Variants in AHI1 observed in about 807,000 individuals in gnomAD.
AHI1 encodes the protein Abelson helper integration site 1, also known as jouberin.
AHI1 carries 123 observed loss-of-function variants against 149.3 expected under a neutral mutation model. The ratio of observed to expected loss-of-function variants is 0.82; its 90% CI spans 0.71 to 0.96. AHI1 has a LOEUF of 0.96. AHI1 is among the 40% of genes least tolerant of loss of function. AHI1 has a pLI of 0.00. For synonymous variants in AHI1, 475 were observed against 459.8 expected (o/e 1.03, Z -0.42); for missense variants, 1,439 against 1,422.7 (o/e 1.01, Z -0.18).
At chr6:135,437,282 G>A (rs1785554818) in intron 15 of AHI1, among the ~76,000 whole-genome samples, 1 of 152,202 alleles carries the variant, frequency 6.6e-6, no homozygotes, top group Non-Finnish European at 1.5e-5. Context: ...CCTCAGCAGA[G>A]ATGACAGCTT....
chr6:135,486,217 A>G (rs759595054), intron 5 of AHI1, among the ~76,000 whole-genome samples: 3 of 152,220 alleles, frequency 2.0e-5, no homozygotes, highest in Admixed American at 6.5e-5. Context: ...TAAAGGAAGA[A>G]CCTGTAGGCT....
intron 5 of AHI1, among the ~76,000 whole-genome samples, chr6:135,479,422 C>A (rs1409307925): frequency 1.3e-5 from 2 of 152,192 alleles, no homozygotes; most frequent in African/African-American, 4.8e-5. Context: ...GACATGGAGT[C>A]AAAGGAGATT....
intron 27 of AHI1, among the ~76,000 whole-genome samples, 184 bp downstream of exon 27, chr6:135,300,316 C>A (rs1277105564): frequency 7.2e-6 from 1 of 138,970 alleles, no homozygotes; most frequent in Non-Finnish European, 1.5e-5. Context: ...CACAGCAAGA[C>A]TCTGTCTCCA....
chr6:135,375,179 C>T (rs1178524726), intron 23 of AHI1, among the ~76,000 whole-genome samples: 1 of 151,706 alleles, frequency 6.6e-6, no homozygotes, highest in Non-Finnish European at 1.5e-5. Context: ...GTGAGCTCTC[C>T]CCAAGACAAT....
At chr6:135,405,720 C>T (rs138457470) in intron 21 of AHI1, among the ~76,000 whole-genome samples, 21 of 151,604 alleles carry the variant, frequency 1.4e-4, no homozygotes, top group Non-Finnish European at 2.1e-4. Flanking sequence ...ATCAGCTAGG[C>T]GTTGTGGCGC....
intron 26 of AHI1, among the ~76,000 whole-genome samples, chr6:135,314,390 T>C (rs935327061): frequency 2.0e-5 from 3 of 152,210 alleles, no homozygotes; most frequent in Non-Finnish European, 4.4e-5. Context: ...TCATGAACTT[T>C]CCAGCTTCCA....
Position 135,455,453 on chromosome 6 carries a change from T to C in AHI1, c.1344+281A>G, listed in dbSNP as rs182705676. Among the ~76,000 whole-genome samples, 4 of 152,352 alleles carry C rather than the reference T, an allele frequency of 2.6e-5. No individual in the cohort carries two copies. In the East Asian group the frequency reaches 7.7e-4, roughly 29 times the overall value. ...GAGAAATGCATTCATATCGAGTGGA[T>C]TCATCACTTCACTACAGTTAACAGT... On this transcript the variant is annotated intron_variant, in intron 10 of 28. Coordinates refer to ENST00000265602, the MANE Select transcript of AHI1 (RefSeq NM_001134831.2).
At chr6:135,422,087 T>G (rs1783251823) in intron 20 of AHI1, among the ~76,000 whole-genome samples, 1 of 152,156 alleles carries the variant, frequency 6.6e-6, no homozygotes, top group African/African-American at 2.4e-5. Context: ...GTATTGCAAA[T>G]GAATACATAC....
At chr6:135,345,398 T>C (rs1475122087) in intron 24 of AHI1, among the ~76,000 whole-genome samples, 2 of 152,168 alleles carry the variant, frequency 1.3e-5, no homozygotes, top group East Asian at 3.8e-4. Flanking sequence ...ATATTCATGG[T>C]AGCTAAAAAT....
chr6:135,397,807 T>C (rs1779436851), intron 22 of AHI1, among the ~76,000 whole-genome samples: 1 of 152,124 alleles, frequency 6.6e-6, no homozygotes. Flanking sequence ...TAATTTTAGA[T>C]AACACGCTAC....
Position 135,438,754 on chromosome 6 carries a change from C to T in AHI1, c.1913-256G>A, listed in dbSNP as rs1359763704. On this transcript the variant is annotated intron_variant, in intron 14 of 28. Coordinates refer to ENST00000265602, the MANE Select transcript of AHI1 (RefSeq NM_001134831.2). ...ATTATTTTCATCTCTTTAAAGAAAT[C>T]CCCTAAGAATCTTTAATAATAAATT... Among the ~76,000 whole-genome samples the T allele has an allele frequency of 2.6e-5, 4 of 151,924 alleles. No homozygotes were observed. In the East Asian group the frequency reaches 5.8e-4, roughly 22 times the overall value.
chr6:135,424,074 CAT>C (rs1020706855), intron 20 of AHI1, among the ~76,000 whole-genome samples: 18 of 151,728 alleles, frequency 1.2e-4, no homozygotes, highest in African/African-American at 3.4e-4. Flanking sequence ...CACAGAGAAA[CAT>C]AGAAAAAACT....
intron 22 of AHI1, among the ~76,000 whole-genome samples, chr6:135,401,024 C>T (rs1779957525): frequency 6.6e-6 from 1 of 152,200 alleles, no homozygotes; most frequent in Admixed American, 6.5e-5. Flanking sequence ...TGAGACCTGT[C>T]TCAGATACTT....
At chr6:135,475,193 A>G (rs763450761) in intron 5 of AHI1, among the ~76,000 whole-genome samples, 2 of 152,160 alleles carry the variant, frequency 1.3e-5, no homozygotes, top group African/African-American at 2.4e-5. Flanking sequence ...TATTGTCATA[A>G]AGTTACTCAT....
intron 13 of AHI1, 113 bp downstream of exon 13, chr6:135,446,895 C>T: frequency 8.5e-7 from 1 of 1,169,684 alleles, no homozygotes; most frequent in East Asian, 2.6e-5. Context: ...TGGTTAAAAA[C>T]AAGGATAAAT....
intron 3 of AHI1, among the ~76,000 whole-genome samples, chr6:135,494,260 T>C (rs1357051482): frequency 6.6e-6 from 1 of 152,106 alleles, no homozygotes; most frequent in Non-Finnish European, 1.5e-5. Flanking sequence ...ACTCAAAGGG[T>C]TGTTGTAAGG....
In AHI1 at chr6:135,427,146, C is replaced by T. The variant is rs747989801; in HGVS notation, c.2764+21G>A. ...TAAAGGTTACTCTAAAAATTCTTTACTTATCAAGTGGTAGACTTACCATGG... is the reference window on the plus strand; with the variant it reads ...TAAAGGTTACTCTAAAAATTCTTTATTTATCAAGTGGTAGACTTACCATGG... On this transcript the variant is annotated intron_variant, in intron 20 of 28. Transcript: ENST00000265602. The T allele has an allele frequency of 2.4e-5, 38 of 1,603,520 alleles. No individual in the cohort carries two copies. In the East Asian group the frequency reaches 8.5e-4, roughly 36 times the overall value.
At chr6:135,494,663 TTA>T (rs1443591888) in intron 3 of AHI1, among the ~76,000 whole-genome samples, 3 of 152,206 alleles carry the variant, frequency 2.0e-5, no homozygotes, top group Admixed American at 1.3e-4. Flanking sequence ...TATAATCATA[TTA>T]TGTTTGTTAG....
intron 23 of AHI1, among the ~76,000 whole-genome samples, chr6:135,389,203 C>T (rs956447420): frequency 8.8e-5 from 13 of 148,306 alleles, no homozygotes; most frequent in African/African-American, 2.3e-4. Context: ...CCCAGCTACT[C>T]GGGAGGCTGA....
Sources: allele counts gnomAD v4.1 joint callset (sites outside exome capture counted in the v4.1 genomes callset), GRCh38; gene constraint gnomAD v4.1.1; transcripts MANE v1.5; gene names NCBI Gene and HGNC (gene_info 2026-07-23, HGNC 2026-07-21).